Variants in LILRB2 observed in about 807,000 individuals in gnomAD.
LILRB2 encodes leukocyte immunoglobulin-like receptor subfamily B member 2.
In LILRB2, 47 loss-of-function variants were observed where a neutral mutation model predicts 72.7. The ratio of observed to expected loss-of-function variants is 0.65; its 90% CI spans 0.51 to 0.82. LILRB2 has a LOEUF of 0.82. LILRB2 is among the 40% of genes least tolerant of loss of function. LILRB2 has a pLI of 0.00. For missense variants in LILRB2, 767 were observed against 764.8 expected, an observed-to-expected ratio of 1.00 and a Z score of -0.03; for synonymous variants, 279 against 313.7, an observed-to-expected ratio of 0.89 and a Z score of 1.17.
At position 54,278,238 on chromosome 19, in the gene LILRB2, A is replaced by T. The variant is rs375289382; in HGVS notation, c.1258+22T>A. On this transcript the variant is annotated intron_variant, in intron 7 of 13. Transcript: ENST00000314446. ...CTGAGCTGAGCCTTTGAGCTCAGAG[A>T]GGACAGGGTCAAGGCCCCCACCTGA... is the stretch of plus-strand genomic sequence containing the variant. 8.2e-5 allele frequency: 132 copies of T among 1,613,400 alleles called. 1 individual carries two copies. The highest frequency in any genetic ancestry group is 3.3e-4 in the Middle Eastern group (2 of 6,044).
chr19:54,276,499 G>A, intron 10 of LILRB2, 43 bp from the exon 11 acceptor site: 1 of 1,350,498 alleles, frequency 7.4e-7, no homozygotes, highest in Non-Finnish European at 1.0e-6. Flanking sequence ...GAACATTGGA[G>A]CCCCCTGCCC....
chr19:54,277,058 C>A lies in LILRB2; in HGVS notation c.1358-129G>T, dbSNP rs535266217. On this transcript the variant is annotated intron_variant, in intron 9 of 13. Transcript: ENST00000314446. ...AACAGTCGTGCAGCACACAAACATC[C>A]ACCCCACCCACTCTACAGATGAAAA... is the stretch of plus-strand genomic sequence containing the variant. The A allele has an allele frequency of 2.0e-6, 3 of 1,513,894 alleles. No individual in the cohort carries two copies. The African/African-American group carries it at 4.1e-5, about 21-fold the overall frequency. 93.8% of individuals were successfully genotyped at this position (1,513,894 alleles called of 1,614,324 possible).
chr19:54,274,607 C>T lies in LILRB2; in HGVS notation c.*76G>A. The stretch of plus-strand genomic sequence containing the variant: ...AGGCTGACTGGGGTTCATTGGTGTC[C>T]ACTGGGGGCAGCTCCCGTGCCTTCA... On this transcript the variant is annotated 3_prime_UTR_variant, in exon 14 of 14. Coordinates refer to ENST00000314446, the MANE Select transcript of LILRB2 (RefSeq NM_001080978.4). The T allele has an allele frequency of 8.1e-6, 13 of 1,608,100 alleles. No individual in the cohort carries two copies. Among genetic ancestry groups the T allele is most frequent in the Non-Finnish European group, 1.1e-5 (13 of 1,176,052 alleles).
intron 9 of LILRB2, chr19:54,277,141 G>C: frequency 6.7e-7 from 1 of 1,501,044 alleles, no homozygotes; most frequent in Non-Finnish European, 9.1e-7. Flanking sequence ...AAGCGGCAGA[G>C]CTGGGAAGGG....
Position 54,278,455 on chromosome 19 carries a change from G to A in LILRB2, c.1063C>T (p.Leu355Phe), listed in dbSNP as rs1172129777. The A allele has an allele frequency of 1.4e-5, 23 of 1,614,184 alleles. 1 individual carries two copies. In the Middle Eastern group the frequency reaches 4.9e-4, roughly 35 times the overall value. Residue 355 changes from leucine (L) to phenylalanine (F), a missense_variant, in exon 7 of 14, where the codon CTT (leucine) becomes TTT (phenylalanine). This residue lies in a region of LILRB2 where 599 missense variants were observed against 568.2 expected (regional missense o/e 1.05). Transcript: ENST00000314446. ...TCAGCTGCTCCCGCCTTGGTCAGAA[G>A]GAAAGTGTGGAACTGCCGCCATGAC... ...CQSWRQFHTFLLTKAGAADAP... is the reference protein window; with the variant it reads ...CQSWRQFHTFFLTKAGAADAP...
rs1569095461 is a variant in LILRB2, at chr19:54,276,315, G to A, written c.1557-14C>T. 6.2e-7 allele frequency: 1 copy of A among 1,614,128 alleles called. No individual in the cohort carries two copies. The highest frequency in any genetic ancestry group is 8.5e-7 in the Non-Finnish European group (1 of 1,180,016). ...GCTGGGCTGGACCTGGGGGAGGAAT[G>A]GGAGCTTTAGGGGCAGTGTATGGGC... On this transcript the variant is annotated splice_polypyrimidine_tract_variant and intron_variant, in intron 11 of 13. Transcript: ENST00000314446.
chr19:54,280,420 G>T, intron 2 of LILRB2, 43 bp downstream of exon 2: 1 of 1,614,040 alleles, frequency 6.2e-7, no homozygotes, highest in Non-Finnish European at 8.5e-7. Context: ...GTGGGGTGAG[G>T]TCCCTCCTAG....
chr19:54,278,241 A>C lies in LILRB2; in HGVS notation c.1258+19T>G, dbSNP rs779958374. On this transcript the variant is annotated intron_variant, in intron 7 of 13. Transcript: ENST00000314446. ...AGCTGAGCCTTTGAGCTCAGAGAGGACAGGGTCAAGGCCCCCACCTGAGAC... is the reference window on the plus strand; with the variant it reads ...AGCTGAGCCTTTGAGCTCAGAGAGGCCAGGGTCAAGGCCCCCACCTGAGAC... 6 of 1,613,554 alleles carry C rather than the reference A, an allele frequency of 3.7e-6. No homozygotes were observed. The highest frequency in any genetic ancestry group is 5.1e-6 in the Non-Finnish European group (6 of 1,179,766).
chr19:54,276,223 C>T lies in LILRB2; in HGVS notation c.1594+41G>A, dbSNP rs774309043. ...CCATTGCTACGGAAACTTCGGGGCC[C>T]CTATCTCCCTCCTGGCTGGTCACCT... is the stretch of plus-strand genomic sequence containing the variant. On this transcript the variant is annotated intron_variant, in intron 12 of 13. Coordinates refer to ENST00000314446, the MANE Select transcript of LILRB2 (RefSeq NM_001080978.4). 6.7e-5 allele frequency: 108 copies of T among 1,613,136 alleles called. 1 individual carries two copies. The South Asian group carries it at 9.2e-4, about 14-fold the overall frequency.
chr19:54,278,010 T>G, intron 7 of LILRB2, 71 bp from the exon 8 acceptor site: 2 of 1,265,026 alleles, frequency 1.6e-6, no homozygotes, highest in Non-Finnish European at 2.2e-6. Context: ...ACCAAATTTC[T>G]CTACATGGGC....
rs386056 is a variant in LILRB2 at position 54,279,064 on chromosome 19, T to C, written c.703A>G (p.Met235Val). 0.8 allele frequency: 1,281,671 copies of C among 1,605,944 alleles called. 510,993 individuals carry two copies. The highest frequency in any genetic ancestry group is 0.91 in the Middle Eastern group (5,479 of 6,044). Residue 235 changes from methionine (M) to valine (V), a missense_variant, in exon 6 of 14, where the codon ATG becomes GTG. Around this residue, in one of 3 missense-constraint regions of LILRB2, gnomAD observed 599 missense variants for 568.2 expected, o/e 1.05. Coordinates refer to ENST00000314446, the MANE Select transcript of LILRB2 (RefSeq NM_001080978.4). ...AGGGTCAGGCTTTCCCCAGGGGCCA[T>C]GACAGGACCCGGCTGCACTGAGAGT... ...PSLSVQPGPV[M>V]APGESLTLQC... is the part of the protein sequence containing the mutation.
Position 54,278,777 on chromosome 19 carries a change from T to C in LILRB2, c.955+35A>G, listed in dbSNP as rs586263. The C allele has an allele frequency of 2.3e-4, 366 of 1,591,752 alleles. 2 individuals are homozygous for C. In the East Asian group the frequency reaches 2.8e-3, roughly 12 times the overall value. On this transcript the variant is annotated intron_variant, in intron 6 of 13. Coordinates refer to ENST00000314446, the MANE Select transcript of LILRB2 (RefSeq NM_001080978.4). ...TTCCCCCGGCAGGGCCTGTGCAGAG[T>C]CTGGGTCCCTGACTGAACCCGCTGG...
In LILRB2 at chr19:54,277,533, C is replaced by G; in HGVS notation, c.1357+17G>C. The G allele has an allele frequency of 6.4e-7, 1 of 1,562,404 alleles. No individual in the cohort carries two copies. The highest frequency in any genetic ancestry group is 8.7e-7 in the Non-Finnish European group (1 of 1,152,256). ...CCCGGGACCCCGCCCACCTCCCACT[C>G]AGAGCCCCTCACTCACCACTTTGGG... On this transcript the variant is annotated intron_variant, in intron 9 of 13. Transcript: ENST00000314446.
In LILRB2 at chr19:54,276,423, C is replaced by G. The variant is rs1288242278; in HGVS notation, c.1514G>C (p.Gly505Ala). 1.3e-6 allele frequency: 2 copies of G among 1,598,356 alleles called. No individual in the cohort carries two copies. Among genetic ancestry groups the G allele is most frequent in the East Asian group, 2.3e-5 (1 of 44,440 alleles). ...GTCTGTGGGCTCTGGCCCCACAGCC[C>G]CTGCAGGATGTTGGAAATCAGCCTT... ...QRKADFQHPA[G>A]AVGPEPTDRG... The change falls in exon 11 of 14, where the codon GGG (glycine) becomes GCG (alanine). Residue 505 changes from glycine (G) to alanine (A), a missense_variant. Physicochemically the swap from Gly to Ala is moderately conservative, Grantham distance 60. This residue lies in a region of LILRB2 where 162 missense variants were observed against 176.7 expected (regional missense o/e 0.92). Transcript: ENST00000314446.
chr19:54,280,179 T>G lies in LILRB2; in HGVS notation c.70+85A>C, dbSNP rs764137155. Reference sequence around the variant, plus strand: ...TGCCCCCATCAGTCAGTCCAGAACTTCTAATCCCCATCCCCAGCTGCACGG... The same window carrying G: ...TGCCCCCATCAGTCAGTCCAGAACTGCTAATCCCCATCCCCAGCTGCACGG... On this transcript the variant is annotated intron_variant, in intron 3 of 13. Transcript: ENST00000314446. The G allele has an allele frequency of 1.2e-4, 201 of 1,611,538 alleles. 2 individuals are homozygous for G. Among genetic ancestry groups the G allele is most frequent in the East Asian group, 1.8e-4 (8 of 44,858 alleles).
At chr19:54,278,173 T>G in intron 7 of LILRB2, 87 bp downstream of exon 7, 1 of 1,551,440 alleles carries the variant, frequency 6.4e-7, no homozygotes, top group South Asian at 1.2e-5. Context: ...AGACCCCCGC[T>G]CACTCCATCC....
At chr19:54,277,054 C>T (rs2080266364) in intron 9 of LILRB2, 125 bp from the exon 10 acceptor site, 2 of 1,518,206 alleles carry the variant, frequency 1.3e-6, no homozygotes, top group African/African-American at 1.4e-5. Flanking sequence ...AGCACACAAA[C>T]ATCCACCCCA....
rs368934809 is a variant in LILRB2 at position 54,277,563 on chromosome 19, C to T, written c.1344G>A (p.Ser448=). Residue 448 remains serine (S), a synonymous_variant, in exon 9 of 14, where the codon TCG becomes TCA. Transcript: ENST00000314446. ...PEDQPLTPTG[S]DPQSGLGRHL... Reference sequence around the variant, plus strand: ...CCCCTCACTCACCACTTTGGGGATCCGACCCAGTGGGGGTGAGGGGCTGGT... The same window carrying T: ...CCCCTCACTCACCACTTTGGGGATCTGACCCAGTGGGGGTGAGGGGCTGGT... 3.0e-4 allele frequency: 478 copies of T among 1,576,498 alleles called. 2 individuals are homozygous for T. The highest frequency in any genetic ancestry group is 2.4e-3 in the Middle Eastern group (14 of 5,756).
At chr19:54,278,143 C>T (rs2080332755) in intron 7 of LILRB2, 117 bp downstream of exon 7, 1 of 1,406,772 alleles carries the variant, frequency 7.1e-7, no homozygotes, top group Non-Finnish European at 9.7e-7. Flanking sequence ...GGTGAGTCTC[C>T]CACTGGCTGA....
Sources: allele counts gnomAD v4.1 joint callset, GRCh38; gene constraint gnomAD v4.1.1; regional missense constraint gnomAD v4.1.1; transcripts MANE v1.5; gene names NCBI Gene and HGNC (gene_info 2026-07-23, HGNC 2026-07-21).